The following TRAPPC3L variants were observed in gnomAD, a reference collection of about 807,000 sequenced individuals.
The protein encoded by TRAPPC3L is trafficking protein particle complex subunit 3-like protein.
In TRAPPC3L, 23 loss-of-function variants were observed where a neutral mutation model predicts 23.7. That is an observed-to-expected ratio of 0.97 (90% confidence interval 0.70 to 1.37). TRAPPC3L has a LOEUF of 1.37. Ranked by LOEUF, TRAPPC3L falls within the 40% of genes most tolerant of loss-of-function variation. The pLI is 0.00. For synonymous variants in TRAPPC3L, 81 were observed against 77.9 expected, an observed-to-expected ratio of 1.04 and a Z score of -0.21; for missense variants, 212 against 216.8, an observed-to-expected ratio of 0.98 and a Z score of 0.14.
At chr6:116,519,153 T>C (rs771479436) in intron 3 of TRAPPC3L, 3 of 152,206 alleles carry the variant, frequency 2.0e-5, no homozygotes, top group Non-Finnish European at 2.9e-5. Context: ...ATTAGTTGTC[T>C]TTGGATGTGC....
At chr6:116,532,331 G>T (rs1356075842) in intron 3 of TRAPPC3L, among the ~76,000 whole-genome samples, 1 of 152,168 alleles carries the variant, frequency 6.6e-6, no homozygotes, top group Non-Finnish European at 1.5e-5. Flanking sequence ...GAACTCCTGG[G>T]CTCAAGCTAT....
chr6:116,524,813 C>A (rs1772415681), intron 3 of TRAPPC3L: 1 of 152,098 alleles, frequency 6.6e-6, no homozygotes, highest in Non-Finnish European at 1.5e-5. Flanking sequence ...TGTGCTATAT[C>A]ATTTTCAAGA....
At chr6:116,514,831 A>G (rs72951267) in intron 3 of TRAPPC3L, among the ~76,000 whole-genome samples, 26,069 of 152,252 alleles carry the variant, frequency 0.17, 2,346 homozygotes, top group East Asian at 0.35. Flanking sequence ...AGGATCATTT[A>G]AACTAAATGT....
chr6:116,534,570 AT>A (rs1220533959), intron 3 of TRAPPC3L, among the ~76,000 whole-genome samples: 1 of 152,208 alleles, frequency 6.6e-6, no homozygotes, highest in African/African-American at 2.4e-5. Context: ...TGGGAAAAAA[AT>A]TCCCCCTGCT....
At chr6:116,538,471 T>C (rs1773229983) in intron 3 of TRAPPC3L, among the ~76,000 whole-genome samples, 1 of 152,188 alleles carries the variant, frequency 6.6e-6, no homozygotes, top group Non-Finnish European at 1.5e-5. Context: ...CTTAAAAAAA[T>C]AAGTGAATAC....
intron 3 of TRAPPC3L, among the ~76,000 whole-genome samples, chr6:116,509,974 C>T (rs1772080630): frequency 6.6e-6 from 1 of 152,048 alleles, no homozygotes; most frequent in Admixed American, 6.6e-5. Context: ...TCAAACAAAT[C>T]AGCAAGAAGA....
chr6:116,497,407 C>A (rs750276995), intron 4 of TRAPPC3L, among the ~76,000 whole-genome samples: 2 of 152,210 alleles, frequency 1.3e-5, no homozygotes, highest in Non-Finnish European at 2.9e-5. Context: ...AGCCTTGACC[C>A]ACTGTGCTTA....
chr6:116,513,541 A>G (rs1228460083), intron 3 of TRAPPC3L, among the ~76,000 whole-genome samples: 1 of 152,190 alleles, frequency 6.6e-6, no homozygotes, highest in African/African-American at 2.4e-5. Context: ...GAAATCTTGC[A>G]CATCATGTCA....
intron 3 of TRAPPC3L, among the ~76,000 whole-genome samples, chr6:116,527,468 T>A (rs1328202217): frequency 7.2e-6 from 1 of 139,372 alleles, no homozygotes; most frequent in Non-Finnish European, 1.5e-5. Flanking sequence ...TGAGCCGACA[T>A]CGAGCCACTG....
intron 3 of TRAPPC3L, among the ~76,000 whole-genome samples, chr6:116,526,445 A>G (rs1044246045): frequency 1.6e-4 from 25 of 152,224 alleles, no homozygotes; most frequent in Non-Finnish European, 2.9e-4. Context: ...GTGGAGGCCA[A>G]TTAGGATCAC....
At chr6:116,506,500 G>A (rs996301369) in intron 3 of TRAPPC3L, among the ~76,000 whole-genome samples, 2 of 152,042 alleles carry the variant, frequency 1.3e-5, no homozygotes, top group South Asian at 2.1e-4. Flanking sequence ...TTGACCCAGC[G>A]ATCCCATTAC....
intron 3 of TRAPPC3L, among the ~76,000 whole-genome samples, chr6:116,528,273 C>T (rs1164883285): frequency 6.6e-6 from 1 of 152,200 alleles, no homozygotes; most frequent in African/African-American, 2.4e-5. Flanking sequence ...GTGGATGTGG[C>T]CTTCTGGGTT....
At chr6:116,508,026 T>A (rs1364912022) in intron 3 of TRAPPC3L, among the ~76,000 whole-genome samples, 1 of 152,226 alleles carries the variant, frequency 6.6e-6, no homozygotes, top group Non-Finnish European at 1.5e-5. Flanking sequence ...AGTTTATTAA[T>A]GAAATTTTGT....
chr6:116,501,068 G>A (rs1328353766), intron 3 of TRAPPC3L, among the ~76,000 whole-genome samples: 1 of 152,194 alleles, frequency 6.6e-6, no homozygotes, highest in Non-Finnish European at 1.5e-5. Context: ...AGGGATCAGG[G>A]AATTTCCCTT....
intron 3 of TRAPPC3L, among the ~76,000 whole-genome samples, chr6:116,507,471 C>A (rs969128070): frequency 6.6e-6 from 1 of 152,162 alleles, no homozygotes; most frequent in Non-Finnish European, 1.5e-5. Flanking sequence ...TGCTTCTGAG[C>A]AGTGTGATGA....
intron 3 of TRAPPC3L, among the ~76,000 whole-genome samples, chr6:116,526,769 A>G (rs1018884805): frequency 6.6e-6 from 1 of 151,872 alleles, no homozygotes; most frequent in Non-Finnish European, 1.5e-5. Context: ...CAGGGTATTT[A>G]CTCCATGGTT....
chr6:116,516,668 T>G (rs1772231901), intron 3 of TRAPPC3L: 1 of 27,628 alleles, frequency 3.6e-5, no homozygotes, highest in Non-Finnish European at 8.2e-5. Context: ...CAAATATATA[T>G]ATATATATAT....
rs544102215 is a variant in TRAPPC3L at position 116,543,709 on chromosome 6, C to T, written c.43-309G>A. 383 of 982,888 alleles carry T rather than the reference C, an allele frequency of 3.9e-4. 3 individuals are homozygous for T. Among genetic ancestry groups the T allele is most frequent in the Middle Eastern group, 6.1e-4 (3 of 4,902 alleles). 60.9% of individuals were successfully genotyped at this position (982,888 alleles called of 1,614,324 possible). The stretch of plus-strand genomic sequence containing the variant: ...CATGGAGGACAGTTTTTTAAAAATA[C>T]TAATTTCTAACATAAATTTCTGTTT... On this transcript the variant is annotated intron_variant, in intron 1 of 4. Transcript: ENST00000368602.
intron 1 of TRAPPC3L, 58 bp downstream of exon 1, chr6:116,545,415 T>A: frequency 7.0e-7 from 1 of 1,432,572 alleles, no homozygotes; most frequent in Non-Finnish European, 9.5e-7. Flanking sequence ...CAATCAGAAA[T>A]CACTCAAGAA....
Sources: gnomAD v4.1 joint callset for allele counts (sites outside exome capture counted in the v4.1 genomes callset) on GRCh38, gnomAD v4.1.1 for gene constraint, MANE v1.5 for transcripts, NCBI Gene and HGNC (gene_info 2026-07-23, HGNC 2026-07-21) for gene names.